The following C1RL variants were observed in gnomAD, a reference collection of about 807,000 sequenced individuals.
The protein encoded by C1RL is complement C1r subcomponent like, also known as complement C1r subcomponent-like protein.
C1RL carries 27 observed loss-of-function variants against 27.9 expected under a neutral mutation model. That is an observed-to-expected ratio of 0.97 (90% confidence interval 0.71 to 1.33). The LOEUF is 1.33. Ranked by LOEUF, C1RL falls within the 40% of genes most tolerant of loss-of-function variation. The pLI, the probability that C1RL is intolerant of heterozygous loss-of-function variation, is 0.00. For synonymous variants in C1RL, 248 were observed against 252.1 expected (o/e 0.98, Z 0.15); for missense variants, 563 against 623.9 (o/e 0.90, Z 1.04).
chr12:7,096,717 T>C lies in C1RL; in HGVS notation c.1138A>G (p.Met380Val). The change falls in exon 6 of 6, where the codon ATG becomes GTG. Residue 380 changes from methionine (M) to valine (V), a missense_variant. Coordinates refer to ENST00000266542, the MANE Select transcript of C1RL (RefSeq NM_016546.4). ...TCAGTAGTTAGCCAGCCCATCTCCA[T>C]GCCAAACCCACTGACGTAGCCCAAC... is the stretch of plus-strand genomic sequence containing the variant. ...GLLGYVSGFG[M>V]EMGWLTTELK... The C allele has an allele frequency of 6.2e-7, 1 of 1,613,780 alleles. No homozygotes were observed. The highest frequency in any genetic ancestry group is 8.5e-7 in the Non-Finnish European group (1 of 1,179,834).
chr12:7,102,748 C>T (rs372344664), intron 2 of C1RL, among the ~76,000 whole-genome samples: 2 of 152,202 alleles, frequency 1.3e-5, no homozygotes, highest in African/African-American at 2.4e-5. Context: ...ACACAGGTGT[C>T]CACAGTCCAG....
At chr12:7,100,123 T>TA in intron 3 of C1RL, 97 bp from the exon 4 acceptor site, 2 of 1,202,812 alleles carry the variant, frequency 1.7e-6, no homozygotes, top group Non-Finnish European at 2.3e-6. Flanking sequence ...CACAGTGTTT[T>TA]ATTTTTTATT....
rs1189970886 is a variant in C1RL, at chr12:7,095,570, G to T, written c.*821C>A. ...GGAGATGGGGCCATTAGGAAAGTGT[G>T]AGCTAGAGGATACCATTTTCGCAGA... On this transcript the variant is annotated 3_prime_UTR_variant, in exon 6 of 6. Transcript: ENST00000266542. 13 of 985,984 alleles carry T rather than the reference G, an allele frequency of 1.3e-5. No homozygotes were observed. Among genetic ancestry groups the T allele is most frequent in the Non-Finnish European group, 1.6e-5 (13 of 830,292 alleles). The allele number at this position is 985,984 out of a possible 1,614,324, so 61.1% of individuals were successfully genotyped here.
Position 7,095,017 on chromosome 12 carries a change from A to AT in C1RL, c.*1373dup, listed in dbSNP as rs1422474295. 14 of 1,114,842 alleles carry AT rather than the reference A, an allele frequency of 1.3e-5. No homozygotes were observed. The highest frequency in any genetic ancestry group is 1.1e-5 in the Non-Finnish European group (10 of 904,004). The allele number at this position is 1,114,842 out of a possible 1,614,324, so 69.1% of individuals were successfully genotyped here. On this transcript the variant is annotated 3_prime_UTR_variant, in exon 6 of 6. Transcript: ENST00000266542. ...TGACCATATAGCAACTTGACTCTTGATGCTAACAAATTACCTCTCTTCTCT... is the reference window on the plus strand; with the variant it reads ...TGACCATATAGCAACTTGACTCTTGATTGCTAACAAATTACCTCTCTTCTCT...
chr12:7,105,169 C>T (rs968977155), intron 2 of C1RL, among the ~76,000 whole-genome samples: 4 of 150,514 alleles, frequency 2.7e-5, no homozygotes, highest in African/African-American at 7.5e-5. Context: ...CCCAGTGGCA[C>T]ATCTAGGTCA....
At chr12:7,099,865 T>G in intron 4 of C1RL, 36 bp downstream of exon 4, 1 of 1,612,902 alleles carries the variant, frequency 6.2e-7, no homozygotes, top group Non-Finnish European at 8.5e-7. Flanking sequence ...GGGAATGAGG[T>G]GGATGGAAGC....
Position 7,102,040 on chromosome 12 carries a change from G to A in C1RL, c.348C>T (p.Gly116=), listed in dbSNP as rs1490446911. The A allele has an allele frequency of 1.9e-6, 3 of 1,613,850 alleles. No individual in the cohort carries two copies. The highest frequency in any genetic ancestry group is 1.7e-5 in the Admixed American group (1 of 60,018). The part of the protein sequence containing the change: ...SDPSQFCGQQ[G]SPLGRPPGQR... Reference sequence around the variant, plus strand: ...GACCAGGGGGCCTGCCCAGAGGGGAGCCTTGCTGACCACAGAACTGGCTTG... The same window carrying A: ...GACCAGGGGGCCTGCCCAGAGGGGAACCTTGCTGACCACAGAACTGGCTTG... The change falls in exon 3 of 6, where the codon GGC becomes GGT. Residue 116 remains glycine (G), a synonymous_variant. Coordinates refer to ENST00000266542, the MANE Select transcript of C1RL (RefSeq NM_016546.4).
At position 7,096,882 on chromosome 12, in the gene C1RL, G is replaced by A; in HGVS notation, c.973C>T (p.His325Tyr). The change falls in exon 6 of 6, where the codon CAC (histidine) becomes TAC (tyrosine). Residue 325 changes from histidine to tyrosine, a missense_variant. Physicochemically the swap from His to Tyr is moderately conservative, Grantham distance 83 (BLOSUM62 2). Transcript: ENST00000266542. ...GACTCATTCTGACGGTAGTCGGGGT[G>A]CACAACGACACGGTGGACAGGGTGG... ...GNHPVHRVVV[H>Y]PDYRQNESHN... 1 of 1,599,206 alleles carries A rather than the reference G, an allele frequency of 6.3e-7. No homozygotes were observed. Among genetic ancestry groups the A allele is most frequent in the South Asian group, 1.1e-5 (1 of 88,786 alleles).
At chr12:7,100,115 CA>C in intron 3 of C1RL, 89 bp from the exon 4 acceptor site, 1 of 1,293,642 alleles carries the variant, frequency 7.7e-7, no homozygotes, top group South Asian at 1.5e-5. Flanking sequence ...TTGACTTGCA[CA>C]GTGTTTTATT....
rs1938418877 is a variant in C1RL at position 7,096,180 on chromosome 12, T to C, written c.*211A>G. On this transcript the variant is annotated 3_prime_UTR_variant, in exon 6 of 6. Coordinates refer to ENST00000266542, the MANE Select transcript of C1RL (RefSeq NM_016546.4). ...GTAGAGGGTGAGGAGGAGCGGTCTG[T>C]GGGACTCTGCTTCCTGTCTGGGATG... is the stretch of plus-strand genomic sequence containing the variant. 1.5e-6 allele frequency: 2 copies of C among 1,368,896 alleles called. No individual in the cohort carries two copies. Among genetic ancestry groups the C allele is most frequent in the Non-Finnish European group, 1.9e-6 (2 of 1,064,240 alleles). The allele number at this position is 1,368,896 out of a possible 1,614,324, so 84.8% of individuals were successfully genotyped here. A position where few individuals can be genotyped will look rare whatever the true frequency, so the allele number is the denominator to read the frequency against.
At chr12:7,101,189 CCCTT>C (rs1328323125) in intron 3 of C1RL, among the ~76,000 whole-genome samples, 1 of 136,406 alleles carries the variant, frequency 7.3e-6, no homozygotes, top group Admixed American at 7.7e-5. Flanking sequence ...CTCCCTCCCT[CCCTT>C]CTTTCTTTCC....
In C1RL at chr12:7,095,253, C is replaced by G. The variant is rs1468758182; in HGVS notation, c.*1138G>C. 1 of 754,302 alleles carries G rather than the reference C, an allele frequency of 1.3e-6. No individual in the cohort carries two copies. The allele number at this position is 754,302 out of a possible 1,614,324, so 46.7% of individuals were successfully genotyped here. Reference sequence around the variant, plus strand: ...GCCTCAGCCTCCCGAGTAGCTGGGACTACAGGCACGTGTCACCACGCCCGG... The same window carrying G: ...GCCTCAGCCTCCCGAGTAGCTGGGAGTACAGGCACGTGTCACCACGCCCGG... On this transcript the variant is annotated 3_prime_UTR_variant, in exon 6 of 6. Transcript: ENST00000266542.
In C1RL at chr12:7,099,973, T is replaced by C; in HGVS notation, c.544A>G (p.Asn182Asp). ...SEASRGSEAI[N>D]APGDNPAKVQ... is the part of the protein sequence containing the mutation. ...TTGGCAGGGTTGTCTCCAGGTGCGTTGATGGCCTCAGAGCCCCTGCTGGCC... is the reference window on the plus strand; with the variant it reads ...TTGGCAGGGTTGTCTCCAGGTGCGTCGATGGCCTCAGAGCCCCTGCTGGCC... The change falls in exon 4 of 6, where the codon AAC (asparagine) becomes GAC (aspartate). Residue 182 changes from asparagine (N) to aspartate (D), a missense_variant. Transcript: ENST00000266542. The C allele has an allele frequency of 6.2e-7, 1 of 1,614,014 alleles. No individual in the cohort carries two copies. The highest frequency in any genetic ancestry group is 8.5e-7 in the Non-Finnish European group (1 of 1,179,990).
intron 1 of C1RL, 157 bp downstream of exon 1, chr12:7,108,952 GT>G (rs1938849994): frequency 1.7e-6 from 1 of 581,948 alleles, no homozygotes; most frequent in Non-Finnish European, 3.1e-6. Context: ...CTGCTGGTGT[GT>G]GTATGTGGGG....
rs201343174 is a variant in C1RL, at chr12:7,108,334, C to G, written c.217G>C (p.Ala73Pro). 483 of 1,614,250 alleles carry G rather than the reference C, an allele frequency of 3.0e-4. 1 individual carries two copies. The Middle Eastern group carries it at 5.3e-3, about 18-fold the overall frequency. ...AGCCTCACAGCAAAGCCCTCTGGAGCCTTGATGTCCGTGCTGCTCTCTTGG... is the reference window on the plus strand; with the variant it reads ...AGCCTCACAGCAAAGCCCTCTGGAGGCTTGATGTCCGTGCTGCTCTCTTGG... Reference protein sequence around the residue: ...KGQESSTDIKAPEGFAVRLVF... With the variant: ...KGQESSTDIKPPEGFAVRLVF... Residue 73 changes from alanine (A) to proline (P), a missense_variant, in exon 2 of 6, where the codon GCT becomes CCT. Physicochemically the swap from Ala to Pro is conservative, Grantham distance 27. Coordinates refer to ENST00000266542, the MANE Select transcript of C1RL (RefSeq NM_016546.4).
chr12:7,096,147 A>G lies in C1RL; in HGVS notation c.*244T>C. ...GCTTCCCGGGGCCTAGTGCATGAGC[A>G]CAGGGAGGTAGAGGGTGAGGAGGAG... On this transcript the variant is annotated 3_prime_UTR_variant, in exon 6 of 6. Coordinates refer to ENST00000266542, the MANE Select transcript of C1RL (RefSeq NM_016546.4). 7.7e-7 allele frequency: 1 copy of G among 1,303,282 alleles called. No homozygotes were observed. 80.7% of individuals were successfully genotyped at this position (1,303,282 alleles called of 1,614,324 possible).
Position 7,095,444 on chromosome 12 carries a change from G to A in C1RL, c.*947C>T, listed in dbSNP as rs970345224. 1.0e-6 allele frequency: 1 copy of A among 997,752 alleles called. No homozygotes were observed. The highest frequency in any genetic ancestry group is 1.1e-4 in the East Asian group (1 of 8,948). The allele number at this position is 997,752 out of a possible 1,614,324, so 61.8% of individuals were successfully genotyped here. A position where few individuals can be genotyped will look rare whatever the true frequency, so the allele number is the denominator to read the frequency against. ...CCTCCAGGTTTTACTAAAAATTAAA[G>A]AGTTGGTCCTCTCAGGTGGAGCAGT... On this transcript the variant is annotated 3_prime_UTR_variant, in exon 6 of 6. Transcript: ENST00000266542.
At position 7,101,928 on chromosome 12, in the gene C1RL, T is replaced by C. The variant is rs367878043; in HGVS notation, c.460A>G (p.Lys154Glu). 5 of 1,614,050 alleles carry C rather than the reference T, an allele frequency of 3.1e-6. No homozygotes were observed. The African/African-American group carries it at 4.0e-5, about 13-fold the overall frequency. ...SSENKTAHLH[K>E]GFLALYQTVA... The stretch of plus-strand genomic sequence containing the variant: ...GTTTGGTAGAGGGCCAGGAAGCCCT[T>C]GTGGAGGTGGGCAGTCTTGTTCTCC... Residue 154 changes from lysine (K) to glutamate (E), a missense_variant, in exon 3 of 6, where the codon AAG becomes GAG. Physicochemically the swap from Lys to Glu is moderately conservative, Grantham distance 56. Transcript: ENST00000266542.
At chr12:7,102,670 T>C (rs955772931) in intron 2 of C1RL, among the ~76,000 whole-genome samples, 2 of 152,226 alleles carry the variant, frequency 1.3e-5, no homozygotes, top group African/African-American at 2.4e-5. Context: ...TTCCTTCTTT[T>C]GGGGTGCCCC....
Sources: gnomAD v4.1 joint callset for allele counts (sites outside exome capture counted in the v4.1 genomes callset) on GRCh38, gnomAD v4.1.1 for gene constraint, MANE v1.5 for transcripts, NCBI Gene and HGNC (gene_info 2026-07-23, HGNC 2026-07-21) for gene names.